Variants in PTPRG observed in about 807,000 individuals in gnomAD.
PTPRG encodes the protein receptor-type tyrosine-protein phosphatase gamma.
Under a neutral mutation model 165.3 loss-of-function variants are expected in PTPRG, and 102 were observed. That is an observed-to-expected ratio of 0.62 (90% CI 0.53 to 0.73). PTPRG has a LOEUF of 0.73. Ranked by LOEUF, PTPRG falls within the 30% of genes least tolerant of loss-of-function variation. The pLI, the probability that PTPRG is intolerant of heterozygous loss-of-function variation, is 0.00. For synonymous variants in PTPRG, 675 were observed against 669.5 expected, an observed-to-expected ratio of 1.01 and a Z score of -0.13; for missense variants, 1,866 against 1,861.4, an observed-to-expected ratio of 1.00 and a Z score of -0.05.
intron 1 of PTPRG, among the ~76,000 whole-genome samples, chr3:61,675,198 C>G (rs1179390602): frequency 2.0e-5 from 3 of 152,128 alleles, no homozygotes; most frequent in Non-Finnish European, 4.4e-5. Context: ...TTCCATATAT[C>G]TCTAATTTTT....
intron 2 of PTPRG, among the ~76,000 whole-genome samples, chr3:61,819,364 G>A (rs1276577140): frequency 6.6e-6 from 1 of 152,140 alleles, no homozygotes; most frequent in African/African-American, 2.4e-5. Flanking sequence ...GTAAATGATT[G>A]CTAATTGTTC....
intron 5 of PTPRG, among the ~76,000 whole-genome samples, chr3:62,096,865 C>G (rs1481804740): frequency 1.3e-5 from 2 of 152,156 alleles, no homozygotes; most frequent in African/African-American, 4.8e-5. Context: ...GCTTTAATGC[C>G]AAACACATTT....
intron 2 of PTPRG, among the ~76,000 whole-genome samples, chr3:61,758,863 A>G (rs1476034492): frequency 1.3e-5 from 2 of 152,166 alleles, no homozygotes; most frequent in African/African-American, 4.8e-5. Flanking sequence ...AACTTTTAGA[A>G]TTGCCAATAT....
At chr3:62,060,562 C>A (rs1316872267) in intron 4 of PTPRG, among the ~76,000 whole-genome samples, 1 of 152,206 alleles carries the variant, frequency 6.6e-6, no homozygotes, top group Non-Finnish European at 1.5e-5. Context: ...ATGCACTGTT[C>A]TGTCTGTATG....
intron 7 of PTPRG, among the ~76,000 whole-genome samples, chr3:62,161,046 A>G (rs116729931): frequency 7.6e-4 from 116 of 152,102 alleles, no homozygotes; most frequent in African/African-American, 2.7e-3. Context: ...TCTTCGGCCA[A>G]ATTACTCAAG....
intron 1 of PTPRG, among the ~76,000 whole-genome samples, chr3:61,730,614 G>C (rs1225921924): frequency 6.6e-6 from 1 of 152,108 alleles, no homozygotes; most frequent in African/African-American, 2.4e-5. Context: ...GGGTGTGTTT[G>C]TCCATCCACA....
chr3:61,580,614 C>T (rs1216405654), intron 1 of PTPRG, among the ~76,000 whole-genome samples: 2 of 152,030 alleles, frequency 1.3e-5, no homozygotes, highest in East Asian at 1.9e-4. Context: ...GGATTATAGG[C>T]GTGAGCCAAT....
chr3:62,085,059 T>G (rs549353749), intron 5 of PTPRG, among the ~76,000 whole-genome samples: 57 of 152,318 alleles, frequency 3.7e-4, no homozygotes, highest in African/African-American at 1.3e-3. Context: ...TCTCTGAAGT[T>G]GAAGTCTGTG....
At chr3:62,141,237 G>T (rs1007936210) in intron 6 of PTPRG, among the ~76,000 whole-genome samples, 2 of 152,068 alleles carry the variant, frequency 1.3e-5, no homozygotes, top group Non-Finnish European at 2.9e-5. Context: ...AAATAGTTTG[G>T]CAGTATCTAG....
At chr3:62,192,279 A>T (rs1010895858) in intron 9 of PTPRG, among the ~76,000 whole-genome samples, 1 of 151,718 alleles carries the variant, frequency 6.6e-6, no homozygotes, top group Non-Finnish European at 1.5e-5. Context: ...GCCTAATTCA[A>T]TGTCTCCTCT....
At chr3:62,165,683 A>G (rs1359215851) in intron 7 of PTPRG, among the ~76,000 whole-genome samples, 1 of 152,160 alleles carries the variant, frequency 6.6e-6, no homozygotes, top group African/African-American at 2.4e-5. Flanking sequence ...GGTTCTATGT[A>G]AAAGGCAGAA....
chr3:61,917,608 A>C lies in PTPRG; in HGVS notation c.191-72017A>C, dbSNP rs180901324. On this transcript the variant is annotated intron_variant, in intron 2 of 29. Transcript: ENST00000474889. ...TGGTTACGTGTCCTGCTAACAATGG[A>C]CATTTAATTAAGGTTGCTTTTCAGA... Among the ~76,000 whole-genome samples, 285 of 152,252 alleles carry C rather than the reference A, an allele frequency of 1.9e-3. 1 individual carries two copies. The highest frequency in any genetic ancestry group is 6.4e-3 in the African/African-American group (267 of 41,546).
At chr3:62,156,713 C>G (rs868720333) in intron 6 of PTPRG, among the ~76,000 whole-genome samples, 3 of 152,178 alleles carry the variant, frequency 2.0e-5, no homozygotes, top group African/African-American at 7.2e-5. Context: ...GTGGGTTAAA[C>G]AAAGTCAAGC....
intron 6 of PTPRG, among the ~76,000 whole-genome samples, chr3:62,134,741 A>C (rs1023397920): frequency 3.9e-5 from 6 of 152,242 alleles, no homozygotes. Context: ...GCAGAAAACC[A>C]TGTTGATGTG....
intron 4 of PTPRG, among the ~76,000 whole-genome samples, chr3:62,073,918 G>A (rs534962556): frequency 7.6e-4 from 115 of 152,302 alleles, no homozygotes; most frequent in African/African-American, 2.7e-3. Flanking sequence ...TAAATACAAA[G>A]TTTGATCCTA....
At chr3:62,028,844 A>C (rs1345057339) in intron 4 of PTPRG, among the ~76,000 whole-genome samples, 1 of 152,172 alleles carries the variant, frequency 6.6e-6, no homozygotes, top group Non-Finnish European at 1.5e-5. Flanking sequence ...TGCTGTAGAC[A>C]GCTTCTCTTA....
At chr3:61,839,198 T>C (rs984153050) in intron 2 of PTPRG, among the ~76,000 whole-genome samples, 8 of 152,218 alleles carry the variant, frequency 5.3e-5, no homozygotes, top group African/African-American at 1.4e-4. Context: ...ATTACTTTTA[T>C]TGGAGGCAGG....
chr3:61,723,019 T>C (rs1280630897), intron 1 of PTPRG, among the ~76,000 whole-genome samples: 1 of 152,134 alleles, frequency 6.6e-6, no homozygotes, highest in African/African-American at 2.4e-5. Flanking sequence ...GAGTTGGTTT[T>C]GTGACCCAAC....
intron 5 of PTPRG, among the ~76,000 whole-genome samples, chr3:62,106,889 A>C (rs976635153): frequency 1.3e-5 from 2 of 152,222 alleles, no homozygotes; most frequent in African/African-American, 4.8e-5. Flanking sequence ...TTTCTAAGGA[A>C]TCATATGGTT....
Sources: gnomAD v4.1 joint callset for allele counts (sites outside exome capture counted in the v4.1 genomes callset) on GRCh38, gnomAD v4.1.1 for gene constraint, MANE v1.5 for transcripts, NCBI Gene and HGNC (gene_info 2026-07-23, HGNC 2026-07-21) for gene names.